MYCBP2: variants seen among roughly 807,000 people sequenced by gnomAD.
The protein encoded by MYCBP2 is E3 ubiquitin-protein ligase MYCBP2.
In MYCBP2, 120 loss-of-function variants were observed where a neutral mutation model predicts 525.3. The ratio of observed to expected loss-of-function variants is 0.23; its 90% CI spans 0.20 to 0.27. The LOEUF is 0.27. MYCBP2 is among the 10% of genes least tolerant of loss of function. The probability of loss-of-function intolerance (pLI) is 1.00; values close to 1 mark genes in which losing one functional copy is unlikely to be tolerated. For missense variants in MYCBP2, 4,149 were observed against 5,657.1 expected (o/e 0.73, Z 8.55); for synonymous variants, 1,894 against 1,955.8 (o/e 0.97, Z 0.83).
chr13:77,085,102 T>C (rs1292620024), intron 62 of MYCBP2, among the ~76,000 whole-genome samples: 2 of 152,104 alleles, frequency 1.3e-5, no homozygotes, highest in African/African-American at 4.8e-5. Flanking sequence ...GGCTGTTTCA[T>C]CGTAACTATA....
chr13:77,251,044 C>T (rs2071120406), intron 15 of MYCBP2, 107 bp downstream of exon 15: 5 of 860,154 alleles, frequency 5.8e-6, no homozygotes, highest in South Asian at 5.8e-5. Flanking sequence ...AGTGAAGATG[C>T]CACTGGTCTT....
chr13:77,273,498 C>T lies in MYCBP2; in HGVS notation c.919G>A (p.Gly307Arg), dbSNP rs2075146890. 6.3e-7 allele frequency: 1 copy of T among 1,593,244 alleles called. No homozygotes were observed. The highest frequency in any genetic ancestry group is 1.9e-5 in the Admixed American group (1 of 53,440). The change falls in exon 5 of 83, where the codon GGA becomes AGA. Residue 307 changes from glycine (G) to arginine (R), a missense_variant. Around this residue, in one of 21 missense-constraint regions of MYCBP2, gnomAD observed 413 missense variants for 451.2 expected, o/e 0.92. Coordinates refer to ENST00000544440, the MANE Select transcript of MYCBP2 (RefSeq NM_015057.5). The stretch of plus-strand genomic sequence containing the variant: ...TGAATAGTTTGGCAAGCATGGCTTC[C>T]ATTGTTGGTGAGGATAGCAGAGATG... The part of the protein sequence containing the change: ...QAISAILTNN[G>R]SHACQTIQVP...
chr13:77,130,129 T>G (rs913550820), intron 52 of MYCBP2, among the ~76,000 whole-genome samples: 11 of 151,940 alleles, frequency 7.2e-5, no homozygotes, highest in African/African-American at 2.6e-4. Flanking sequence ...ATTAAAATCT[T>G]TCTAGTGAGT....
At chr13:77,091,642 C>A (rs1020284553) in intron 59 of MYCBP2, among the ~76,000 whole-genome samples, 1 of 152,092 alleles carries the variant, frequency 6.6e-6, no homozygotes, top group East Asian at 1.9e-4. Context: ...AAGTTATTTC[C>A]AAATATTTCC....
Position 77,051,050 on chromosome 13 carries a change from T to C in MYCBP2, c.13868A>G (p.Asp4623Gly), listed in dbSNP as rs778618789. Residue 4623 changes from aspartate to glycine, a missense_variant, in exon 82 of 83, where the codon GAT (aspartate) becomes GGT (glycine). Transcript: ENST00000544440. ...TTHFCNACHD[D>G]FQRMTSIPKE... ...AGGAATGCTAGTCATTCTTTGAAAA[T>C]CATCATGACAAGCATTACAAAAATG... 2 of 1,613,186 alleles carry C rather than the reference T, an allele frequency of 1.2e-6. No individual in the cohort carries two copies. Among genetic ancestry groups the C allele is most frequent in the South Asian group, 2.2e-5 (2 of 91,018 alleles).
At position 77,140,095 on chromosome 13, in the gene MYCBP2, C is replaced by T. The variant is rs149956740; in HGVS notation, c.7470G>A (p.Glu2490=). ...CATTGACTTTCACTATGCCTATCTG[C>T]TCACTCTGAAGGGAAGGGTGGCTAC... ...RIRSHPSLQS[E]QIGIVKVNGT... is the part of the protein sequence containing the mutation. The change falls in exon 51 of 83, where the codon GAG becomes GAA. Residue 2490 remains glutamate (E), a synonymous_variant. Coordinates refer to ENST00000544440, the MANE Select transcript of MYCBP2 (RefSeq NM_015057.5). 2 of 1,613,236 alleles carry T rather than the reference C, an allele frequency of 1.2e-6. No homozygotes were observed. The highest frequency in any genetic ancestry group is 1.3e-5 in the African/African-American group (1 of 74,908).
At chr13:77,242,041 G>A (rs939113812) in intron 17 of MYCBP2, among the ~76,000 whole-genome samples, 1 of 152,046 alleles carries the variant, frequency 6.6e-6, no homozygotes. Flanking sequence ...AATTTACTGA[G>A]CAAGGAAATC....
chr13:77,088,256 G>A (rs998770092), intron 61 of MYCBP2, among the ~76,000 whole-genome samples: 1 of 151,952 alleles, frequency 6.6e-6, no homozygotes, highest in Non-Finnish European at 1.5e-5. Context: ...ATTTATTCAA[G>A]CACATTTTTT....
intron 4 of MYCBP2, among the ~76,000 whole-genome samples, chr13:77,275,076 C>T (rs1052155243): frequency 1.3e-5 from 2 of 151,988 alleles, no homozygotes; most frequent in African/African-American, 4.8e-5. Context: ...AAATATATAC[C>T]GAACTCTCAC....
chr13:77,069,298 TGTA>T (rs2040719124), intron 69 of MYCBP2, among the ~76,000 whole-genome samples: 1 of 152,330 alleles, frequency 6.6e-6, no homozygotes, highest in Admixed American at 6.5e-5. Context: ...AAATTCATGT[TGTA>T]GTTCATTGAA....
At chr13:77,076,432 G>A (rs1488194018) in intron 68 of MYCBP2, among the ~76,000 whole-genome samples, 1 of 152,206 alleles carries the variant, frequency 6.6e-6, no homozygotes, top group Non-Finnish European at 1.5e-5. Flanking sequence ...GAAGAAGACA[G>A]TACTTTTGAG....
rs566942638 is a variant in MYCBP2 at position 77,119,022 on chromosome 13, C to T, written c.8140+2351G>A. Among the ~76,000 whole-genome samples the T allele has an allele frequency of 3.2e-4, 48 of 152,218 alleles. 1 individual carries two copies. Among genetic ancestry groups the T allele is most frequent in the African/African-American group, 1.0e-3 (43 of 41,542 alleles). On this transcript the variant is annotated intron_variant, in intron 55 of 82. Coordinates refer to ENST00000544440, the MANE Select transcript of MYCBP2 (RefSeq NM_015057.5). Reference sequence around the variant, plus strand: ...TTTACATTATAGTTATAAATTAATACTTTCTTTTTTAAGTTGTTACTGCCA... The same window carrying T: ...TTTACATTATAGTTATAAATTAATATTTTCTTTTTTAAGTTGTTACTGCCA...
chr13:77,323,056 AAT>A (rs1490368300), intron 1 of MYCBP2, among the ~76,000 whole-genome samples: 1 of 152,214 alleles, frequency 6.6e-6, no homozygotes, highest in African/African-American at 2.4e-5. Flanking sequence ...AACAGTAACT[AAT>A]ATTTCATAGC....
At chr13:77,268,065 TTAA>T in intron 7 of MYCBP2, 128 bp from the exon 8 acceptor site, 2 of 591,182 alleles carry the variant, frequency 3.4e-6, no homozygotes, top group Non-Finnish European at 6.0e-6. Flanking sequence ...CTAAAAGATA[TTAA>T]TGATTAAAAA....
chr13:77,186,129 GA>G, intron 30 of MYCBP2, 66 bp from the exon 31 acceptor site: 1 of 1,176,904 alleles, frequency 8.5e-7, no homozygotes, highest in Non-Finnish European at 1.1e-6. Context: ...GAATCAAATG[GA>G]AAGGCAATGG....
rs374931740 is a variant in MYCBP2 at position 77,098,736 on chromosome 13, A to G, written c.8418T>C (p.Ser2806=). The change falls in exon 56 of 83, where the codon TCT becomes TCC. Residue 2806 remains serine (S), a synonymous_variant. Coordinates refer to ENST00000544440, the MANE Select transcript of MYCBP2 (RefSeq NM_015057.5). ...QTLKSDGRMP[S]SSRAESPGPG... ...GTCCTGGGGATTCAGCTCTGGAGCT[A>G]GAAGGCATCCTCCCATCAGATTTCA... The G allele has an allele frequency of 6.2e-6, 10 of 1,613,438 alleles. No individual in the cohort carries two copies. The African/African-American group carries it at 1.3e-4, about 22-fold the overall frequency.
At chr13:77,299,037 T>A (rs2078493752) in intron 1 of MYCBP2, among the ~76,000 whole-genome samples, 1 of 152,224 alleles carries the variant, frequency 6.6e-6, no homozygotes, top group South Asian at 2.1e-4. Context: ...TCCTTTATAT[T>A]AAAGATTACC....
At chr13:77,301,188 G>A (rs2078751020) in intron 1 of MYCBP2, among the ~76,000 whole-genome samples, 1 of 152,016 alleles carries the variant, frequency 6.6e-6, no homozygotes, top group South Asian at 2.1e-4. Context: ...GCTGAGGCGG[G>A]CAGATTACTT....
In MYCBP2 at chr13:77,057,156, G is replaced by A. The variant is rs149653485; in HGVS notation, c.13330-63C>T. The A allele has an allele frequency of 5.6e-5, 67 of 1,199,632 alleles. No homozygotes were observed. The East Asian group carries it at 1.5e-3, about 28-fold the overall frequency. 74.3% of individuals were successfully genotyped at this position (1,199,632 alleles called of 1,614,324 possible). ...ATAATGATAAACAGTTGAGTGACTG[G>A]GAGATTATTTAATGCAAGGCACTAC... is the stretch of plus-strand genomic sequence containing the variant. On this transcript the variant is annotated intron_variant, in intron 78 of 82. Transcript: ENST00000544440.
Sources: gnomAD v4.1 joint callset for allele counts (sites outside exome capture counted in the v4.1 genomes callset) on GRCh38, gnomAD v4.1.1 for gene constraint, gnomAD v4.1.1 regional missense constraint, MANE v1.5 for transcripts, NCBI Gene and HGNC (gene_info 2026-07-23, HGNC 2026-07-21) for gene names.